CACNA1C: variants seen among roughly 807,000 people sequenced by gnomAD.
The protein encoded by CACNA1C is voltage-dependent L-type calcium channel subunit alpha-1C.
Under a neutral mutation model 229.0 loss-of-function variants are expected in CACNA1C, and 30 were observed. The observed-to-expected ratio is 0.13, with a 90% confidence interval of 0.10 to 0.18. CACNA1C has a LOEUF of 0.18. CACNA1C is among the 10% of genes least tolerant of loss of function. The probability of loss-of-function intolerance (pLI) is 1.00; values close to 1 mark genes in which losing one functional copy is unlikely to be tolerated. For synonymous variants in CACNA1C, 1,114 were observed against 1,132.5 expected (o/e 0.98, Z 0.33); for missense variants, 1,658 against 2,845.0 (o/e 0.58, Z 9.49).
intron 3 of CACNA1C, among the ~76,000 whole-genome samples, chr12:2,218,289 C>T (rs2060503486): frequency 6.6e-6 from 1 of 152,208 alleles, no homozygotes; most frequent in Non-Finnish European, 1.5e-5. Flanking sequence ...CAACATGCAA[C>T]AATATCCCAG....
intron 1 of CACNA1C, among the ~76,000 whole-genome samples, chr12:2,065,338 A>T (rs959391246): frequency 2.6e-5 from 4 of 152,200 alleles, no homozygotes; most frequent in Non-Finnish European, 4.4e-5. Context: ...CTTTTCTAGG[A>T]TAAATTGACT....
chr12:2,437,303 G>A (rs79033574), intron 3 of CACNA1C, among the ~76,000 whole-genome samples: 1,630 of 152,154 alleles, frequency 0.011, 16 homozygotes, highest in Non-Finnish European at 0.015. Context: ...CAAAAATCAG[G>A]CATTCAGTGT....
intron 5 of CACNA1C, among the ~76,000 whole-genome samples, chr12:2,463,500 G>A (rs1056219234): frequency 1.3e-5 from 2 of 152,198 alleles, no homozygotes; most frequent in African/African-American, 2.4e-5. Context: ...AAAAAGGAAA[G>A]TTTAGGTAAG....
chr12:2,049,290 G>A (rs1397453556), upstream of CACNA1C: 1 of 152,206 alleles, frequency 6.6e-6, no homozygotes, highest in African/African-American at 2.4e-5. Context: ...TTTCCTCACC[G>A]GTAAAATGTG....
rs1329595061 is a variant in CACNA1C at position 2,622,736 on chromosome 12, A to C, written c.3828+10723A>C. Among the ~76,000 whole-genome samples the C allele has an allele frequency of 9.9e-5, 15 of 152,252 alleles. No homozygotes were observed. The East Asian group carries it at 2.1e-3, about 22-fold the overall frequency. ...TGAAGCTAGGGACAGGCGTTCTCAT[A>C]CAGCTCTCTTCTTTCCTTCACAATC... On this transcript the variant is annotated intron_variant, in intron 29 of 46. Coordinates refer to ENST00000399655, the MANE Select transcript of CACNA1C (RefSeq NM_000719.7).
chr12:2,396,105 G>A (rs572321639), intron 3 of CACNA1C, among the ~76,000 whole-genome samples: 1 of 152,236 alleles, frequency 6.6e-6, no homozygotes, highest in Admixed American at 6.5e-5. Context: ...CAGGAAGTGT[G>A]TGTGCGTGGT....
chr12:2,322,415 G>A (rs528966423), intron 3 of CACNA1C, among the ~76,000 whole-genome samples: 37 of 152,320 alleles, frequency 2.4e-4, no homozygotes, highest in African/African-American at 8.4e-4. Context: ...TCCTGCCACC[G>A]TGGGAGACTC....
chr12:2,008,373 CTAT>C (rs1565909647), intron 1 of CACNA1C, among the ~76,000 whole-genome samples: 3 of 151,980 alleles, frequency 2.0e-5, no homozygotes, highest in Admixed American at 6.6e-5. Flanking sequence ...TGGGGTCTCA[CTAT>C]GTTGCTCAGG....
intron 3 of CACNA1C, among the ~76,000 whole-genome samples, chr12:2,173,838 A>G (rs1032646487): frequency 2.0e-5 from 3 of 152,176 alleles, no homozygotes; most frequent in African/African-American, 7.2e-5. Context: ...AGTAGGCACC[A>G]GATGTGTCCT....
intron 3 of CACNA1C, among the ~76,000 whole-genome samples, chr12:2,126,235 A>G (rs1311743206): frequency 2.0e-5 from 3 of 152,218 alleles, no homozygotes; most frequent in Non-Finnish European, 4.4e-5. Context: ...TCTTTTCCTC[A>G]TGCTAGTGAA....
rs114668925 is a variant in CACNA1C at position 2,179,801 on chromosome 12, T to C, written c.477+59371T>C. Reference sequence around the variant, plus strand: ...GGATATATGCTTGCTCCACGCTCATTGGATGCTAGCCTGCTCTCAGGAAGA... The same window carrying C: ...GGATATATGCTTGCTCCACGCTCATCGGATGCTAGCCTGCTCTCAGGAAGA... On this transcript the variant is annotated intron_variant, in intron 3 of 46. Coordinates refer to ENST00000399655, the MANE Select transcript of CACNA1C (RefSeq NM_000719.7). Among the ~76,000 whole-genome samples the C allele has an allele frequency of 4.5e-3, 691 of 152,312 alleles. 6 individuals carry two copies. The highest frequency in any genetic ancestry group is 0.015 in the African/African-American group (615 of 41,564).
Position 2,677,247 on chromosome 12 carries a change from C to T in CACNA1C, c.4956+26C>T, listed in dbSNP as rs777568541. The T allele has an allele frequency of 5.6e-6, 9 of 1,610,854 alleles. No individual in the cohort carries two copies. In the Admixed American group the frequency reaches 1.3e-4, roughly 24 times the overall value. On this transcript the variant is annotated intron_variant, in intron 40 of 46. Transcript: ENST00000399655. This position sits in a 1 kb window ranked among gnomAD's most constrained non-coding sequence, Gnocchi z 7.4. The stretch of plus-strand genomic sequence containing the variant: ...GTGAGGGCCTGGGGGCGGGCCCACA[C>T]TCCAGGAAGGTCCTGGTCATTGCCT...
chr12:2,258,901 T>A (rs1287426226), intron 3 of CACNA1C, among the ~76,000 whole-genome samples: 1 of 152,150 alleles, frequency 6.6e-6, no homozygotes, highest in African/African-American at 2.4e-5. Context: ...AGTAATCCAT[T>A]TGAGAGATGG....
At chr12:2,112,619 G>A (rs2082204863) in intron 1 of CACNA1C, among the ~76,000 whole-genome samples, 1 of 152,124 alleles carries the variant, frequency 6.6e-6, no homozygotes, top group South Asian at 2.1e-4. Context: ...TGCTACAGGG[G>A]CCAGATGGCG....
intron 3 of CACNA1C, among the ~76,000 whole-genome samples, chr12:2,384,070 C>T (rs2098320761): frequency 6.6e-6 from 1 of 152,220 alleles, no homozygotes; most frequent in Non-Finnish European, 1.5e-5. Flanking sequence ...ATAAGGACCA[C>T]TCTGATTTTT....
At chr12:2,162,150 A>G (rs2095896440) in intron 3 of CACNA1C, among the ~76,000 whole-genome samples, 1 of 152,000 alleles carries the variant, frequency 6.6e-6, no homozygotes, top group African/African-American at 2.4e-5. Flanking sequence ...CTACCTGTCT[A>G]CCCTTCCAGG....
Position 2,391,197 on chromosome 12 carries a change from G to A in CACNA1C, c.478-57779G>A, listed in dbSNP as rs541110413. Among the ~76,000 whole-genome samples, 5 of 152,336 alleles carry A rather than the reference G, an allele frequency of 3.3e-5. No homozygotes were observed. The South Asian group carries it at 6.2e-4, about 19-fold the overall frequency. ...GAGCAGGAGAGCAGCTAAGTCTGACGTCACCAAAGGCCATTTGGGGCATGT... is the reference window on the plus strand; with the variant it reads ...GAGCAGGAGAGCAGCTAAGTCTGACATCACCAAAGGCCATTTGGGGCATGT... On this transcript the variant is annotated intron_variant, in intron 3 of 46. Coordinates refer to ENST00000399655, the MANE Select transcript of CACNA1C (RefSeq NM_000719.7).
chr12:2,676,970 G>T, intron 39 of CACNA1C, 124 bp from the exon 40 acceptor site: 1 of 747,814 alleles, frequency 1.3e-6, no homozygotes, highest in South Asian at 1.7e-5. Flanking sequence ...CCATGTGAAT[G>T]TATTACCTCT....
rs75784032 is a variant in CACNA1C at position 2,346,522 on chromosome 12, A to G, written c.478-102454A>G. Among the ~76,000 whole-genome samples, 6,145 of 152,170 alleles carry G rather than the reference A, an allele frequency of 0.04. 193 individuals are homozygous for G. The highest frequency in any genetic ancestry group is 0.06 in the Non-Finnish European group (4,073 of 67,986). ...TGCTATGTTTTAAATTTTGGGCCCC[A>G]GGAAGAGAGTTGCCCCTGTGTTAGG... On this transcript the variant is annotated intron_variant, in intron 3 of 46. Transcript: ENST00000399655. This position sits in a 1 kb window ranked among gnomAD's most constrained non-coding sequence, Gnocchi z 4.4.
Sources: gnomAD v4.1 joint callset for allele counts (sites outside exome capture counted in the v4.1 genomes callset) on GRCh38, gnomAD v4.1.1 for gene constraint, Gnocchi (gnomAD v3.1) non-coding constraint, MANE v1.5 for transcripts, NCBI Gene and HGNC (gene_info 2026-07-23, HGNC 2026-07-21) for gene names.